Variants in RHCE observed in about 807,000 individuals in gnomAD.
RHCE encodes the protein blood group Rh(CE) polypeptide.
RHCE carries 22 observed loss-of-function variants against 43.8 expected under a neutral mutation model. That is an observed-to-expected ratio of 0.50 (90% CI 0.36 to 0.72). The LOEUF is 0.72. Ranked by LOEUF, RHCE falls within the 30% of genes least tolerant of loss-of-function variation. The pLI is 0.00. For synonymous variants in RHCE, 156 were observed against 210.7 expected (o/e 0.74, Z 2.25); for missense variants, 385 against 525.4 (o/e 0.73, Z 2.61).
chr1:25,427,016 C>A (rs2042809566), intron 2 of RHCE, among the ~76,000 whole-genome samples: 1 of 151,412 alleles, frequency 6.6e-6, no homozygotes, highest in African/African-American at 2.4e-5. Context: ...GAGAATGCAC[C>A]ACTGCACTCC....
At chr1:25,393,432 C>G (rs916102282) in intron 3 of RHCE, among the ~76,000 whole-genome samples, 7 of 152,050 alleles carry the variant, frequency 4.6e-5, no homozygotes, top group Admixed American at 2.0e-4. Context: ...ACCAGCCTGG[C>G]CAACATGGCA....
intron 2 of RHCE, among the ~76,000 whole-genome samples, chr1:25,427,406 A>G (rs546077114): frequency 6.6e-6 from 1 of 152,348 alleles, no homozygotes; most frequent in African/African-American, 2.4e-5. Context: ...ACTCATTTGT[A>G]AAATGGCCAC....
At position 25,392,146 on chromosome 1, in the gene RHCE, A is replaced by G; in HGVS notation, c.487-5T>C. On this transcript the variant is annotated splice_region_variant and splice_polypyrimidine_tract_variant and intron_variant, in intron 3 of 9. Coordinates refer to ENST00000294413, the MANE Select transcript of RHCE (RefSeq NM_020485.8). ...CAGGTTCATGTGGTAGTCTGTCTGC[A>G]ATAAAACCCAGTAAGAGCAGTGAGT... 6.2e-7 allele frequency: 1 copy of G among 1,614,138 alleles called. No homozygotes were observed. Among genetic ancestry groups the G allele is most frequent in the Non-Finnish European group, 8.5e-7 (1 of 1,180,004 alleles).
Position 25,392,022 on chromosome 1 carries a change from T to A in RHCE, c.606A>T (p.Ala202=). 1 of 1,614,180 alleles carries A rather than the reference T, an allele frequency of 6.2e-7. No homozygotes were observed. Among genetic ancestry groups the A allele is most frequent in the Non-Finnish European group, 8.5e-7 (1 of 1,180,030 alleles). ...PKGTEDNDQR[A]TIPSLSAMLG... Reference sequence around the variant, plus strand: ...GCATGGCAGACAAACTGGGTATCGTTGCTCTCTGATCATTATCCTCCGTTC... The same window carrying A: ...GCATGGCAGACAAACTGGGTATCGTAGCTCTCTGATCATTATCCTCCGTTC... The change falls in exon 4 of 10, where the codon GCA becomes GCT. Residue 202 remains alanine, a synonymous_variant. Transcript: ENST00000294413.
rs1174804578 is a variant in RHCE at position 25,362,520 on chromosome 1, C to T, written c.*7G>A. 1 of 1,599,506 alleles carries T rather than the reference C, an allele frequency of 6.3e-7. No individual in the cohort carries two copies. Among genetic ancestry groups the T allele is most frequent in the Admixed American group, 1.7e-5 (1 of 58,418 alleles). On this transcript the variant is annotated 3_prime_UTR_variant, in exon 10 of 10. Coordinates refer to ENST00000294413, the MANE Select transcript of RHCE (RefSeq NM_020485.8). ...GAACAGGCCTTGTTTTTCTTGGATG[C>T]TTTTGCTTAAAATCCAACAGCCAAA...
intron 7 of RHCE, among the ~76,000 whole-genome samples, chr1:25,384,432 C>A (rs1400972603): frequency 1.3e-5 from 2 of 151,924 alleles, no homozygotes; most frequent in Admixed American, 1.3e-4. Context: ...TCTCTACAGG[C>A]ATCTGAGTAG....
chr1:25,384,596 C>T (rs1646093920), intron 7 of RHCE, among the ~76,000 whole-genome samples: 1 of 152,166 alleles, frequency 6.6e-6, no homozygotes. Context: ...AGCTCATCCC[C>T]TCCTCATCCC....
At chr1:25,401,980 G>A (rs1425437976) in intron 3 of RHCE, among the ~76,000 whole-genome samples, 4 of 152,034 alleles carry the variant, frequency 2.6e-5, no homozygotes, top group Non-Finnish European at 2.9e-5. Flanking sequence ...GGGTTCAAGC[G>A]ATTCTCTTGC....
At position 25,389,099 on chromosome 1, in the gene RHCE, A is replaced by C; in HGVS notation, c.816T>G (p.Ser272Arg). Residue 272 changes from serine (S) to arginine (R), a missense_variant, in exon 6 of 10, where the codon AGT becomes AGG. Physicochemically the swap from Ser to Arg is moderately radical, Grantham distance 110 (BLOSUM62 -1). This residue lies in a region of RHCE where 56 missense variants were observed against 90.0 expected (regional missense o/e 0.62). Transcript: ENST00000294413. ...QRKISMTYVHSAVLAGGVAVG... is the reference protein window; with the variant it reads ...QRKISMTYVHRAVLAGGVAVG... ...CAGCCACGCCTCCTGCCAACACCGC[A>C]CTGTGCACATAAGTCTGCAAAGAAA... 1 of 1,614,078 alleles carries C rather than the reference A, an allele frequency of 6.2e-7. No individual in the cohort carries two copies. The highest frequency in any genetic ancestry group is 8.5e-7 in the Non-Finnish European group (1 of 1,179,934).
chr1:25,413,270 TC>T (rs1340120671), intron 1 of RHCE, among the ~76,000 whole-genome samples: 2 of 152,154 alleles, frequency 1.3e-5, no homozygotes, highest in South Asian at 2.1e-4. Flanking sequence ...ACATTTGATT[TC>T]AGGCTTCTCC....
chr1:25,399,044 A>G, intron 3 of RHCE: 4 of 1,600,176 alleles, frequency 2.5e-6, no homozygotes, highest in East Asian at 2.2e-5. Context: ...GGGGCCTTGG[A>G]CAAGTTGTTA....
rs143518754 is a variant in RHCE at position 25,410,149 on chromosome 1, G to C, written c.149-1280C>G. Among the ~76,000 whole-genome samples, 898 of 151,802 alleles carry C rather than the reference G, an allele frequency of 5.9e-3. 48 individuals carry two copies. In the East Asian group the frequency reaches 0.14, roughly 23 times the overall value. Reference sequence around the variant, plus strand: ...TGACCTCAAGTGATCTGCCCACCTCGGTTTCCCAAAGTGATGGGATTACAG... The same window carrying C: ...TGACCTCAAGTGATCTGCCCACCTCCGTTTCCCAAAGTGATGGGATTACAG... On this transcript the variant is annotated intron_variant, in intron 1 of 9. Transcript: ENST00000294413.
intron 1 of RHCE, among the ~76,000 whole-genome samples, chr1:25,412,792 A>T (rs1277847172): frequency 6.9e-6 from 1 of 144,856 alleles, no homozygotes; most frequent in African/African-American, 2.5e-5. Context: ...TGGGAGGCTG[A>T]GGTGGGCAGA....
Position 25,402,716 on chromosome 1 carries a change from C to T in RHCE, c.366G>A (p.Ser122=), listed in dbSNP as rs1438551745. ...SIRLATMSAM[S]VLISAGAVLG... ...AGACAGCACCCGCTGAGATCAGCAC[C>T]GACATAGCACTCATGGTGGCCAGCC... is the stretch of plus-strand genomic sequence containing the variant. The change falls in exon 3 of 10, where the codon TCG becomes TCA. Residue 122 remains serine (S), a synonymous_variant. Transcript: ENST00000294413. 7 of 1,614,114 alleles carry T rather than the reference C, an allele frequency of 4.3e-6. No homozygotes were observed. Among genetic ancestry groups the T allele is most frequent in the South Asian group, 2.2e-5 (2 of 91,080 alleles).
At chr1:25,410,699 C>T (rs988533952) in intron 1 of RHCE, among the ~76,000 whole-genome samples, 4 of 152,082 alleles carry the variant, frequency 2.6e-5, no homozygotes, top group Admixed American at 2.6e-4. Context: ...CGTGCCCAGC[C>T]TAGACAATGT....
intron 8 of RHCE, among the ~76,000 whole-genome samples, chr1:25,370,820 C>A (rs977925196): frequency 1.3e-5 from 2 of 150,766 alleles, no homozygotes; most frequent in African/African-American, 4.9e-5. Context: ...ATGATCTCGG[C>A]TCACTGCAGC....
At chr1:25,377,353 C>T (rs752597316) in intron 7 of RHCE, among the ~76,000 whole-genome samples, 9 of 151,752 alleles carry the variant, frequency 5.9e-5, no homozygotes, top group African/African-American at 1.9e-4. Context: ...AGAGCCACAA[C>T]GCCCAGCTAA....
At chr1:25,369,412 C>T (rs1645536216) in intron 9 of RHCE, among the ~76,000 whole-genome samples, 2 of 151,740 alleles carry the variant, frequency 1.3e-5, no homozygotes, top group South Asian at 2.1e-4. Flanking sequence ...GTCCAGCCTA[C>T]CCACAGCATT....
chr1:25,371,518 G>A (rs183157490), intron 8 of RHCE, among the ~76,000 whole-genome samples: 16 of 151,512 alleles, frequency 1.1e-4, no homozygotes, highest in Non-Finnish European at 1.5e-5. Context: ...CCACAAGTGT[G>A]TGCTACCATA....
Sources: gnomAD v4.1 joint callset for allele counts (sites outside exome capture counted in the v4.1 genomes callset) on GRCh38, gnomAD v4.1.1 for gene constraint, gnomAD v4.1.1 regional missense constraint, MANE v1.5 for transcripts, NCBI Gene and HGNC (gene_info 2026-07-23, HGNC 2026-07-21) for gene names.